Variants in PAK1 observed in about 807,000 individuals in gnomAD.
PAK1 encodes p21 (RAC1) activated kinase 1, also known as serine/threonine-protein kinase PAK 1.
A neutral mutation model predicts 67.4 loss-of-function variants in PAK1; 29 were observed. The observed-to-expected ratio is 0.43, with a 90% CI of 0.32 to 0.59. PAK1 has a LOEUF of 0.59. PAK1 is among the 20% of genes least tolerant of loss of function. PAK1 has a pLI of 0.07. For missense variants in PAK1, 337 were observed against 670.7 expected (o/e 0.50, Z 5.50); for synonymous variants, 223 against 237.4 (o/e 0.94, Z 0.56).
chr11:77,328,829 A>C (rs1223926170), intron 14 of PAK1, among the ~76,000 whole-genome samples: 1 of 152,190 alleles, frequency 6.6e-6, no homozygotes, highest in East Asian at 1.9e-4. Context: ...CCTTCAAAAA[A>C]TTAATGAATC....
intron 1 of PAK1, among the ~76,000 whole-genome samples, chr11:77,420,674 T>A (rs1410935450): frequency 2.0e-5 from 3 of 152,240 alleles, no homozygotes; most frequent in Non-Finnish European, 4.4e-5. Context: ...GTTATCACCT[T>A]GGTCCAAACC....
chr11:77,395,591 CACACACACAG>C (rs1254645057), intron 1 of PAK1, among the ~76,000 whole-genome samples: 4 of 151,724 alleles, frequency 2.6e-5, no homozygotes, highest in African/African-American at 9.7e-5. Context: ...TTTACTTATA[CACACACACAG>C]ACACACACAC....
chr11:77,459,157 G>A (rs1456634448), intron 1 of PAK1, among the ~76,000 whole-genome samples: 1 of 152,196 alleles, frequency 6.6e-6, no homozygotes, highest in African/African-American at 2.4e-5. Context: ...AGAGGTAGGT[G>A]AGGTCAAATT....
At chr11:77,372,814 G>A (rs745473989) in intron 5 of PAK1, among the ~76,000 whole-genome samples, 9 of 152,092 alleles carry the variant, frequency 5.9e-5, no homozygotes, top group African/African-American at 1.7e-4. Context: ...TGGAATACCC[G>A]CATTTCCCCT....
intron 1 of PAK1, among the ~76,000 whole-genome samples, chr11:77,447,899 G>C (rs1156869680): frequency 1.3e-5 from 2 of 152,136 alleles, no homozygotes; most frequent in African/African-American, 4.8e-5. Context: ...TAACTCTAGG[G>C]CTATTTCTTA....
intron 5 of PAK1, among the ~76,000 whole-genome samples, chr11:77,365,046 A>C (rs1410623197): frequency 6.6e-6 from 1 of 152,018 alleles, no homozygotes; most frequent in Non-Finnish European, 1.5e-5. Flanking sequence ...CAGGAGTTCG[A>C]GACCAGCCTG....
intron 11 of PAK1, among the ~76,000 whole-genome samples, chr11:77,340,427 T>C (rs975185914): frequency 1.3e-5 from 2 of 152,212 alleles, no homozygotes; most frequent in African/African-American, 4.8e-5. Context: ...TAGTACTTTA[T>C]AATTTTTCTA....
chr11:77,397,899 A>G (rs1342391609), intron 1 of PAK1, among the ~76,000 whole-genome samples: 2 of 152,252 alleles, frequency 1.3e-5, no homozygotes, highest in Non-Finnish European at 2.9e-5. Context: ...TAGGTAGAGT[A>G]GGGATAGAAC....
intron 1 of PAK1, among the ~76,000 whole-genome samples, chr11:77,402,385 T>G (rs1352007830): frequency 6.6e-6 from 1 of 152,146 alleles, no homozygotes; most frequent in Non-Finnish European, 1.5e-5. Flanking sequence ...CCTACCACCT[T>G]GCAGACAGTC....
At chr11:77,462,265 A>G (rs922712330) in intron 1 of PAK1, among the ~76,000 whole-genome samples, 2 of 151,360 alleles carry the variant, frequency 1.3e-5, no homozygotes, top group Non-Finnish European at 2.9e-5. Context: ...CGGGAGGCGG[A>G]GCTTGCAGTG....
chr11:77,379,317 C>A lies in PAK1; in HGVS notation c.363G>T (p.Pro121=). The A allele has an allele frequency of 6.2e-7, 1 of 1,613,912 alleles. No individual in the cohort carries two copies. The highest frequency in any genetic ancestry group is 8.5e-7 in the Non-Finnish European group (1 of 1,179,920). Residue 121 remains proline (P), a synonymous_variant, in exon 4 of 15, where the codon CCG becomes CCT. Transcript: ENST00000356341. ...NITKSEQKKN[P]QAVLDVLEFY... Reference sequence around the variant, plus strand: ...ACTCCAACACATCCAGAACAGCCTGCGGGTTTTTCTTCTGCTCCGACTTAG... The same window carrying A: ...ACTCCAACACATCCAGAACAGCCTGAGGGTTTTTCTTCTGCTCCGACTTAG...
chr11:77,394,419 T>C (rs1026067233), intron 1 of PAK1, among the ~76,000 whole-genome samples: 2 of 152,116 alleles, frequency 1.3e-5, no homozygotes, highest in African/African-American at 2.4e-5. Context: ...TAAAATACTA[T>C]GAATAAAATC....
chr11:77,490,435 C>T, the PAK1 span, among the ~76,000 whole-genome samples: 1 of 150,006 alleles, frequency 6.7e-6, no homozygotes, highest in Non-Finnish European at 1.5e-5. Flanking sequence ...GCCCGGCCAG[C>T]CGCCCCGTCT....
intron 1 of PAK1, among the ~76,000 whole-genome samples, chr11:77,400,519 T>G (rs928011127): frequency 6.6e-6 from 1 of 152,174 alleles, no homozygotes; most frequent in Non-Finnish European, 1.5e-5. Flanking sequence ...GAGGACTCAG[T>G]GATGCCTTGA....
At chr11:77,324,020 A>G (rs1049808487) in intron 14 of PAK1, among the ~76,000 whole-genome samples, 8 of 152,210 alleles carry the variant, frequency 5.3e-5, no homozygotes, top group Admixed American at 2.0e-4. Context: ...CTAATCATTC[A>G]GTAAAAAGTT....
At chr11:77,387,614 T>A (rs923093730) in intron 2 of PAK1, among the ~76,000 whole-genome samples, 1 of 152,220 alleles carries the variant, frequency 6.6e-6, no homozygotes. Flanking sequence ...TTTCCATTTT[T>A]AAAAAACAAA....
At chr11:77,469,618 C>T (rs1433137600) in intron 1 of PAK1, among the ~76,000 whole-genome samples, 1 of 151,578 alleles carries the variant, frequency 6.6e-6, no homozygotes, top group African/African-American at 2.4e-5. Flanking sequence ...CTAACTTTTC[C>T]AGGGTTTCAT....
intron 2 of PAK1, among the ~76,000 whole-genome samples, chr11:77,388,630 G>A (rs190502562): frequency 1.8e-3 from 281 of 152,336 alleles, no homozygotes; most frequent in Admixed American, 3.5e-3. Flanking sequence ...TGGGATTACA[G>A]GCATGAGCCA....
intron 5 of PAK1, 137 bp downstream of exon 5, chr11:77,374,191 T>A (rs903214103): frequency 2.1e-6 from 1 of 482,130 alleles, no homozygotes; most frequent in Non-Finnish European, 3.7e-6. Flanking sequence ...CTTTATTGGA[T>A]AGATAGGAAT....
Sources: allele counts gnomAD v4.1 joint callset (sites outside exome capture counted in the v4.1 genomes callset), GRCh38; gene constraint gnomAD v4.1.1; transcripts MANE v1.5; gene names NCBI Gene and HGNC (gene_info 2026-07-23, HGNC 2026-07-21).